STK33: variants seen among roughly 807,000 people sequenced by gnomAD.
The protein encoded by STK33 is serine/threonine-protein kinase 33.
In STK33, 52 loss-of-function variants were observed where a neutral mutation model predicts 58.0. The ratio of observed to expected loss-of-function variants is 0.90; its 90% CI spans 0.72 to 1.13. The LOEUF (loss-of-function observed/expected upper bound fraction) is 1.13. STK33 is among the 50% of genes most tolerant of loss of function. The probability of loss-of-function intolerance (pLI) is 0.00; values close to 1 mark genes in which losing one functional copy is unlikely to be tolerated. For synonymous variants in STK33, 215 were observed against 200.1 expected (o/e 1.07, Z -0.63); for missense variants, 630 against 604.2 (o/e 1.04, Z -0.45).
At chr11:8,423,906 T>C (rs1264660244) in intron 14 of STK33, among the ~76,000 whole-genome samples, 1 of 152,094 alleles carries the variant, frequency 6.6e-6, no homozygotes. Flanking sequence ...AAAATTACTA[T>C]ATAATCTTTT....
the STK33 span, among the ~76,000 whole-genome samples, chr11:8,371,428 G>C: frequency 6.6e-6 from 1 of 152,206 alleles, no homozygotes; most frequent in South Asian, 2.1e-4. Flanking sequence ...TTCAGAGAAA[G>C]CATAGCTCTG....
intron 14 of STK33, among the ~76,000 whole-genome samples, chr11:8,420,436 C>G (rs896044142): frequency 1.1e-4 from 16 of 152,116 alleles, no homozygotes; most frequent in Non-Finnish European, 2.1e-4. Context: ...TGAATTTACC[C>G]TTATTCCAGA....
chr11:8,416,607 T>A (rs1002529063), intron 14 of STK33, among the ~76,000 whole-genome samples: 1 of 152,194 alleles, frequency 6.6e-6, no homozygotes, highest in Non-Finnish European at 1.5e-5. Flanking sequence ...ATTGCCTACA[T>A]TATTTTGAAT....
intron 14 of STK33, among the ~76,000 whole-genome samples, chr11:8,427,821 A>C (rs984831170): frequency 6.6e-6 from 1 of 152,130 alleles, no homozygotes; most frequent in African/African-American, 2.4e-5. Context: ...CATATTATCA[A>C]CATCTTCCCT....
intron 11 of STK33, among the ~76,000 whole-genome samples, chr11:8,451,144 T>A (rs1479890129): frequency 6.6e-6 from 1 of 152,164 alleles, no homozygotes; most frequent in Non-Finnish European, 1.5e-5. Context: ...AAGGTAACGA[T>A]CATTTTGTAA....
the STK33 span, among the ~76,000 whole-genome samples, chr11:8,362,683 C>T: frequency 2.6e-5 from 4 of 152,292 alleles, no homozygotes; most frequent in South Asian, 2.1e-4. Flanking sequence ...AATGGGGTGT[C>T]GCTTCTCTAG....
chr11:8,492,094 A>G (rs1950663014), intron 1 of STK33, among the ~76,000 whole-genome samples: 1 of 152,216 alleles, frequency 6.6e-6, no homozygotes, highest in Non-Finnish European at 1.5e-5. Flanking sequence ...ACACATAACA[A>G]TATTAACCTT....
chr11:8,478,378 G>T (rs1949480884), intron 2 of STK33, among the ~76,000 whole-genome samples: 1 of 152,098 alleles, frequency 6.6e-6, no homozygotes, highest in Admixed American at 6.5e-5. Flanking sequence ...ACATACATAG[G>T]TACTGGACAT....
At chr11:8,492,555 A>G (rs1409140325) in intron 1 of STK33, among the ~76,000 whole-genome samples, 1 of 152,196 alleles carries the variant, frequency 6.6e-6, no homozygotes, top group Non-Finnish European at 1.5e-5. Context: ...GAAAGTTAAC[A>G]AGGATATCCA....
Position 8,557,736 on chromosome 11 carries a change from TG to T in STK33, c.-466+36346del, listed in dbSNP as rs148886516. On this transcript the variant is annotated intron_variant, in intron 1 of 15. Transcript: ENST00000687296. ...TTTTTACTTCAACCTATATCATCAC[TG>T]GAGTAGAAAAAAACCCTCAAAAAAG... Among the ~76,000 whole-genome samples the T allele has an allele frequency of 9.9e-3, 1,496 of 151,706 alleles. 11 individuals are homozygous for T. Among genetic ancestry groups the T allele is most frequent in the Non-Finnish European group, 0.017 (1,171 of 67,916 alleles).
the STK33 span, among the ~76,000 whole-genome samples, chr11:8,380,065 T>C: frequency 2.0e-5 from 3 of 152,366 alleles, no homozygotes; most frequent in South Asian, 2.1e-4. Context: ...GTCTTTTCTA[T>C]TGTGAATAAT....
chr11:8,473,307 A>C (rs766546744), intron 5 of STK33, 31 bp from the exon 6 acceptor site: 14 of 1,336,318 alleles, frequency 1.0e-5, no homozygotes, highest in Admixed American at 1.0e-4. Flanking sequence ...AAAAAAAAAA[A>C]ACTTTAAGAT....
chr11:8,499,997 C>A lies in STK33; in HGVS notation c.-465-19383G>T, dbSNP rs534955188. On this transcript the variant is annotated intron_variant, in intron 1 of 15. Coordinates refer to ENST00000687296, the MANE Select transcript of STK33 (RefSeq NM_001352389.2). ...TGATGGGTTGATGGGTGCAGTAAAC[C>A]ACCATGGCACGTGTATACCTATGTA... 1.2e-4 allele frequency among the ~76,000 whole-genome samples: 19 copies of A among 152,128 alleles called. No individual in the cohort carries two copies. The East Asian group carries it at 2.9e-3, about 23-fold the overall frequency.
intron 1 of STK33, among the ~76,000 whole-genome samples, chr11:8,544,931 T>C (rs1050089628): frequency 6.6e-6 from 1 of 152,172 alleles, no homozygotes; most frequent in African/African-American, 2.4e-5. Flanking sequence ...GTTATTCCAA[T>C]AAGAAATATT....
chr11:8,414,635 G>A lies in STK33; in HGVS notation c.1147-943C>T, dbSNP rs189846141. On this transcript the variant is annotated intron_variant, in intron 14 of 15. Transcript: ENST00000687296. The stretch of plus-strand genomic sequence containing the variant: ...GACTTGTTGAGTTTAATGTATTTGT[G>A]GCTAAAGACATAGACAAACACTAAA... Among the ~76,000 whole-genome samples the A allele has an allele frequency of 7.2e-5, 11 of 152,168 alleles. No individual in the cohort carries two copies. In the East Asian group the frequency reaches 2.1e-3, roughly 29 times the overall value.
intron 1 of STK33, among the ~76,000 whole-genome samples, chr11:8,485,455 G>T (rs1950135176): frequency 6.6e-6 from 1 of 152,130 alleles, no homozygotes; most frequent in African/African-American, 2.4e-5. Context: ...CCTAAAATCA[G>T]CAGGACTTTA....
chr11:8,514,140 G>A (rs1249948845), intron 1 of STK33, among the ~76,000 whole-genome samples: 1 of 152,172 alleles, frequency 6.6e-6, no homozygotes, highest in Non-Finnish European at 1.5e-5. Flanking sequence ...TGTTGCAAAT[G>A]ACAGGATCTC....
intron 11 of STK33, among the ~76,000 whole-genome samples, chr11:8,444,216 A>T (rs1253259435): frequency 6.6e-6 from 1 of 152,168 alleles, no homozygotes; most frequent in Non-Finnish European, 1.5e-5. Flanking sequence ...TAGTATTACA[A>T]AGAGCTAAAA....
At chr11:8,430,745 T>C (rs1433655025) in intron 14 of STK33, among the ~76,000 whole-genome samples, 2 of 152,178 alleles carry the variant, frequency 1.3e-5, no homozygotes, top group Non-Finnish European at 2.9e-5. Context: ...CTGATCCTTG[T>C]GTCCTCCAAA....
Sources: allele counts gnomAD v4.1 joint callset (sites outside exome capture counted in the v4.1 genomes callset), GRCh38; gene constraint gnomAD v4.1.1; transcripts MANE v1.5; gene names NCBI Gene and HGNC (gene_info 2026-07-23, HGNC 2026-07-21).